The following EDIL3 variants were observed in gnomAD, a reference collection of about 807,000 sequenced individuals.
EDIL3 encodes EGF like and discoidin domains 3.
In EDIL3, 37 loss-of-function variants were observed where a neutral mutation model predicts 67.4. The observed-to-expected ratio is 0.55, with a 90% CI of 0.42 to 0.72. EDIL3 has a LOEUF of 0.72. EDIL3 is among the 30% of genes least tolerant of loss of function. EDIL3 has a pLI of 0.00. For missense variants in EDIL3, 527 were observed against 586.3 expected, an observed-to-expected ratio of 0.90 and a Z score of 1.04; for synonymous variants, 195 against 196.3, an observed-to-expected ratio of 0.99 and a Z score of 0.05.
At chr5:83,947,363 CTGTGTCTGTGTG>C (rs1475964864) in intron 10 of EDIL3, among the ~76,000 whole-genome samples, 28 of 126,648 alleles carry the variant, frequency 2.2e-4, no homozygotes, top group African/African-American at 4.3e-4. Flanking sequence ...GTGTCTGTGT[CTGTGTCTGTGTG>C]TGTGTGTGTG....
chr5:84,274,974 A>G (rs191875435), intron 1 of EDIL3, among the ~76,000 whole-genome samples: 64 of 152,318 alleles, frequency 4.2e-4, no homozygotes, highest in African/African-American at 1.5e-3. Flanking sequence ...ATACTCATAA[A>G]ATTTCAGAGA....
At chr5:84,288,684 T>C (rs1745857238) in intron 1 of EDIL3, among the ~76,000 whole-genome samples, 1 of 152,118 alleles carries the variant, frequency 6.6e-6, no homozygotes, top group African/African-American at 2.4e-5. Context: ...CCTTAAGTCT[T>C]TACTAAGAAA....
intron 3 of EDIL3, among the ~76,000 whole-genome samples, chr5:84,197,485 C>A (rs1432080136): frequency 6.6e-6 from 1 of 151,846 alleles, no homozygotes; most frequent in Non-Finnish European, 1.5e-5. Context: ...CATAGTGAAA[C>A]CCCGTCTCTA....
At chr5:84,152,477 T>C (rs990152317) in intron 4 of EDIL3, among the ~76,000 whole-genome samples, 9 of 152,222 alleles carry the variant, frequency 5.9e-5, no homozygotes, top group Non-Finnish European at 7.3e-5. Flanking sequence ...CAGAGAGGAA[T>C]GGGTCTTATT....
chr5:84,053,987 C>A lies in EDIL3; in HGVS notation c.1137+6313G>T, dbSNP rs532459252. Among the ~76,000 whole-genome samples, 16 of 152,256 alleles carry A rather than the reference C, an allele frequency of 1.1e-4. No individual in the cohort carries two copies. The East Asian group carries it at 3.1e-3, about 29-fold the overall frequency. On this transcript the variant is annotated intron_variant, in intron 9 of 10. Coordinates refer to ENST00000296591, the MANE Select transcript of EDIL3 (RefSeq NM_005711.5). ...GCCAGCATCATCCTGATACCAAAGC[C>A]TGGCAGAGACACAACAAAAAAAGAG...
intron 1 of EDIL3, among the ~76,000 whole-genome samples, chr5:84,305,576 T>A (rs1467469035): frequency 6.6e-6 from 1 of 152,204 alleles, no homozygotes; most frequent in East Asian, 1.9e-4. Flanking sequence ...GCTTATCAGT[T>A]AAAAATTAAC....
At chr5:84,070,606 A>AGTGTGT (rs35930293) in intron 6 of EDIL3, among the ~76,000 whole-genome samples, 10,754 of 144,602 alleles carry the variant, frequency 0.074, 403 homozygotes, top group South Asian at 0.1. Context: ...TATGGTTAAG[A>AGTGTGT]GTGTGTGTGT....
intron 10 of EDIL3, among the ~76,000 whole-genome samples, chr5:83,958,023 A>G (rs1219651099): frequency 6.6e-6 from 1 of 151,642 alleles, no homozygotes; most frequent in Non-Finnish European, 1.5e-5. Flanking sequence ...TGTGATTTTC[A>G]TAAGGGAATT....
Position 83,941,488 on chromosome 5 carries a change from G to C in EDIL3, c.*1931C>G, listed in dbSNP as rs80239077. On this transcript the variant is annotated 3_prime_UTR_variant, in exon 11 of 11. Transcript: ENST00000296591. ...TTAAGAAGGTATGTAATTTGCAAAG[G>C]AAAATGGCTAGATATCTGATGGGAC... 1 of 151,984 alleles carries C rather than the reference G, an allele frequency of 6.6e-6. No homozygotes were observed. Among genetic ancestry groups the C allele is most frequent in the South Asian group, 2.1e-4 (1 of 4,816 alleles). The allele number at this position is 151,984 out of a possible 1,614,324, so 9.4% of individuals were successfully genotyped here. A position where few individuals can be genotyped will look rare whatever the true frequency, so the allele number is the denominator to read the frequency against.
intron 10 of EDIL3, among the ~76,000 whole-genome samples, chr5:83,949,984 A>T (rs978607866): frequency 2.0e-5 from 3 of 151,812 alleles, no homozygotes; most frequent in Non-Finnish European, 4.4e-5. Context: ...AGCCATACAG[A>T]TGGTCAACCA....
intron 2 of EDIL3, among the ~76,000 whole-genome samples, chr5:84,250,726 A>G (rs1745009441): frequency 1.3e-5 from 2 of 152,256 alleles, no homozygotes; most frequent in Non-Finnish European, 2.9e-5. Context: ...TAAACAGGAT[A>G]AACATAATTT....
At chr5:84,163,225 C>G (rs1025263903) in intron 4 of EDIL3, among the ~76,000 whole-genome samples, 1 of 152,034 alleles carries the variant, frequency 6.6e-6, no homozygotes, top group African/African-American at 2.4e-5. Context: ...TAAATATACT[C>G]TCTAAACCAT....
chr5:84,234,034 C>G (rs1744634086), intron 2 of EDIL3, among the ~76,000 whole-genome samples: 1 of 152,116 alleles, frequency 6.6e-6, no homozygotes, highest in Admixed American at 6.5e-5. Context: ...TTGAGTTGAG[C>G]TTTTTGTTAT....
Position 84,218,751 on chromosome 5 carries a change from G to A in EDIL3, c.226+11104C>T, listed in dbSNP as rs528133812. On this transcript the variant is annotated intron_variant, in intron 3 of 10. Coordinates refer to ENST00000296591, the MANE Select transcript of EDIL3 (RefSeq NM_005711.5). The stretch of plus-strand genomic sequence containing the variant: ...GATGACTCAAGGGCCCTGGGGCCTC[G>A]AATGAACATTGGCTGTAGCCAGGCA... Among the ~76,000 whole-genome samples the A allele has an allele frequency of 2.8e-4, 42 of 152,306 alleles. 1 individual carries two copies. In the South Asian group the frequency reaches 8.3e-3, roughly 30 times the overall value.
At chr5:84,042,287 A>ATT (rs72059425) in intron 9 of EDIL3, among the ~76,000 whole-genome samples, 4 of 147,008 alleles carry the variant, frequency 2.7e-5, no homozygotes, top group South Asian at 2.1e-4. Flanking sequence ...GCAAATGGAA[A>ATT]TTTTTTTTTT....
chr5:84,204,691 A>C (rs1743920334), intron 3 of EDIL3, among the ~76,000 whole-genome samples: 1 of 151,788 alleles, frequency 6.6e-6, no homozygotes, highest in African/African-American at 2.4e-5. Flanking sequence ...TATCCTTCAA[A>C]GTCTTCTGCT....
intron 9 of EDIL3, among the ~76,000 whole-genome samples, chr5:84,031,332 T>C (rs1051210228): frequency 1.9e-4 from 29 of 152,198 alleles, no homozygotes; most frequent in Admixed American, 1.5e-3. Context: ...TTTTCAAGCT[T>C]TGACTGGATG....
intron 9 of EDIL3, among the ~76,000 whole-genome samples, chr5:83,971,545 G>A (rs1202380162): frequency 6.6e-6 from 1 of 151,822 alleles, no homozygotes; most frequent in African/African-American, 2.4e-5. Context: ...TTTTATATAT[G>A]CTCTTGAAAT....
chr5:84,339,390 A>G (rs1477794223), intron 1 of EDIL3, among the ~76,000 whole-genome samples: 2 of 152,134 alleles, frequency 1.3e-5, no homozygotes, highest in African/African-American at 4.8e-5. Flanking sequence ...TGTTCTCAAA[A>G]AATATACTTA....
Sources: allele counts gnomAD v4.1 joint callset (sites outside exome capture counted in the v4.1 genomes callset), GRCh38; gene constraint gnomAD v4.1.1; transcripts MANE v1.5; gene names NCBI Gene and HGNC (gene_info 2026-07-23, HGNC 2026-07-21).